The following RBM33 variants were observed in gnomAD, a reference collection of about 807,000 sequenced individuals.
RBM33 encodes the protein RNA-binding protein 33.
RBM33 carries 28 observed loss-of-function variants against 132.6 expected under a neutral mutation model. The ratio of observed to expected loss-of-function variants is 0.21; its 90% CI spans 0.16 to 0.29. RBM33 has a LOEUF of 0.29. RBM33 is among the 10% of genes least tolerant of loss of function. The pLI, the probability that RBM33 is intolerant of heterozygous loss-of-function variation, is 1.00. For synonymous variants in RBM33, 634 were observed against 593.0 expected, an observed-to-expected ratio of 1.07 and a Z score of -1.01; for missense variants, 1,291 against 1,518.5, an observed-to-expected ratio of 0.85 and a Z score of 2.49.
At position 155,775,080 on chromosome 7, in the gene RBM33, C is replaced by T. The variant is rs367864803; in HGVS notation, c.*39C>T. 7.5e-5 allele frequency: 119 copies of T among 1,578,476 alleles called. No homozygotes were observed. The highest frequency in any genetic ancestry group is 9.9e-5 in the Non-Finnish European group (114 of 1,147,596). ...AGCCTGACCTTAGGCTGTACACACACTGTGGAATTTCTTCAAGGGAGCTGC... is the reference window on the plus strand; with the variant it reads ...AGCCTGACCTTAGGCTGTACACACATTGTGGAATTTCTTCAAGGGAGCTGC... On this transcript the variant is annotated 3_prime_UTR_variant, in exon 18 of 18. Coordinates refer to ENST00000401878, the MANE Select transcript of RBM33 (RefSeq NM_053043.3).
intron 9 of RBM33, among the ~76,000 whole-genome samples, chr7:155,737,245 C>CGTGT (rs1554481863): frequency 0.054 from 8,038 of 149,204 alleles, 311 homozygotes; most frequent in African/African-American, 0.1. Flanking sequence ...TCTAGGTGCG[C>CGTGT]GTGTGTGTGT....
chr7:155,660,255 TG>T (rs1798604340), intron 1 of RBM33, among the ~76,000 whole-genome samples: 1 of 152,204 alleles, frequency 6.6e-6, no homozygotes, highest in East Asian at 1.9e-4. Context: ...TAAAGTTTTT[TG>T]TAGAGGTAGG....
At chr7:155,718,947 A>G (rs1345576487) in intron 9 of RBM33, among the ~76,000 whole-genome samples, 2 of 151,590 alleles carry the variant, frequency 1.3e-5, no homozygotes, top group Non-Finnish European at 3.0e-5. Context: ...AAGAAAGCAT[A>G]TATTCTCTCT....
intron 6 of RBM33, among the ~76,000 whole-genome samples, chr7:155,701,710 CAG>C (rs1351994973): frequency 2.0e-5 from 3 of 152,138 alleles, no homozygotes; most frequent in South Asian, 2.1e-4. Context: ...GTTTTTGAGA[CAG>C]AGTCTCGCTT....
At chr7:155,722,330 T>A (rs903868304) in intron 9 of RBM33, among the ~76,000 whole-genome samples, 1 of 152,206 alleles carries the variant, frequency 6.6e-6, no homozygotes, top group Non-Finnish European at 1.5e-5. Context: ...CACATTTTTG[T>A]TCATGTCAGG....
chr7:155,707,198 G>A, intron 7 of RBM33, 130 bp downstream of exon 7: 1 of 836,800 alleles, frequency 1.2e-6, no homozygotes, highest in Non-Finnish European at 2.0e-6. Flanking sequence ...GGTAATGGCT[G>A]AAGTTTCTGC....
At chr7:155,706,437 C>T (rs753897778) in intron 6 of RBM33, among the ~76,000 whole-genome samples, 2 of 151,434 alleles carry the variant, frequency 1.3e-5, no homozygotes, top group African/African-American at 4.9e-5. Context: ...GAGGTTGCAG[C>T]GAGCAGAGAT....
At chr7:155,690,928 A>G (rs1378283486) in intron 5 of RBM33, among the ~76,000 whole-genome samples, 1 of 152,092 alleles carries the variant, frequency 6.6e-6, no homozygotes, top group Non-Finnish European at 1.5e-5. Flanking sequence ...ACTTTGGTGA[A>G]TCTGACAATT....
chr7:155,658,314 A>G (rs991872673), intron 1 of RBM33, among the ~76,000 whole-genome samples: 40 of 151,360 alleles, frequency 2.6e-4, no homozygotes, highest in African/African-American at 8.2e-4. Flanking sequence ...ATCTTTTTCC[A>G]TCCTTTCACT....
chr7:155,730,672 A>G (rs1800930356), intron 9 of RBM33, among the ~76,000 whole-genome samples: 1 of 152,222 alleles, frequency 6.6e-6, no homozygotes, highest in African/African-American at 2.4e-5. Context: ...GGATCACTGT[A>G]AGTTAGAATA....
At chr7:155,742,300 A>G (rs1447100412) in intron 13 of RBM33, among the ~76,000 whole-genome samples, 194 bp downstream of exon 13, 2 of 86,578 alleles carry the variant, frequency 2.3e-5, no homozygotes, top group African/African-American at 1.3e-4. Context: ...TTACAAGATT[A>G]GAGTTTATAT....
intron 16 of RBM33, among the ~76,000 whole-genome samples, chr7:155,769,600 G>C (rs533624940): frequency 1.3e-5 from 2 of 152,136 alleles, no homozygotes; most frequent in African/African-American, 2.4e-5. Context: ...CTGTGAACTC[G>C]GTGGAAGGTG....
In RBM33 at chr7:155,777,286, C is replaced by A. The variant is rs1404733010; in HGVS notation, c.*2245C>A. ...GTGTGCGTGTTTCTCTAACTGTCTA[C>A]ACGTGCACATAGGCAGACTTTCTCA... is the stretch of plus-strand genomic sequence containing the variant. On this transcript the variant is annotated 3_prime_UTR_variant, in exon 18 of 18. Transcript: ENST00000401878. The A allele has an allele frequency of 6.6e-6, 1 of 152,496 alleles. No homozygotes were observed. Among genetic ancestry groups the A allele is most frequent in the Non-Finnish European group, 1.5e-5 (1 of 68,042 alleles). 9.4% of individuals were successfully genotyped at this position (152,496 alleles called of 1,614,324 possible). A position where few individuals can be genotyped will look rare whatever the true frequency, so the allele number is the denominator to read the frequency against.
intron 1 of RBM33, among the ~76,000 whole-genome samples, chr7:155,655,034 A>C (rs1289129418): frequency 6.6e-6 from 1 of 152,234 alleles, no homozygotes; most frequent in Non-Finnish European, 1.5e-5. Flanking sequence ...TAATCAAGCT[A>C]TTACTCTAAT....
intron 14 of RBM33, among the ~76,000 whole-genome samples, chr7:155,761,637 TTTCCTTATTTTGG>T (rs1441785123): frequency 6.6e-6 from 1 of 152,210 alleles, no homozygotes; most frequent in Non-Finnish European, 1.5e-5. Context: ...TCCCTCTTTG[TTTCCTTATTTTGG>T]TAATTCATCT....
intron 9 of RBM33, among the ~76,000 whole-genome samples, chr7:155,722,381 G>T (rs1800655081): frequency 6.6e-6 from 1 of 152,140 alleles, no homozygotes; most frequent in African/African-American, 2.4e-5. Flanking sequence ...GTTGTGTTTT[G>T]TTTTGTCTTT....
chr7:155,647,855 A>G (rs931130507), intron 1 of RBM33, among the ~76,000 whole-genome samples: 1 of 152,248 alleles, frequency 6.6e-6, no homozygotes, highest in Non-Finnish European at 1.5e-5. Flanking sequence ...ACATAAAGGC[A>G]AAAACATGGC....
chr7:155,662,975 G>T (rs913751975), intron 1 of RBM33, among the ~76,000 whole-genome samples: 4 of 152,164 alleles, frequency 2.6e-5, no homozygotes, highest in Non-Finnish European at 5.9e-5. Flanking sequence ...ATTAATTCTT[G>T]CTGCCATTCT....
intron 9 of RBM33, among the ~76,000 whole-genome samples, chr7:155,718,684 C>T (rs544787241): frequency 1.3e-5 from 2 of 151,992 alleles, no homozygotes; most frequent in African/African-American, 2.4e-5. Flanking sequence ...GAATGCCGTT[C>T]GTCTTAAAGA....
Sources: gnomAD v4.1 joint callset for allele counts (sites outside exome capture counted in the v4.1 genomes callset) on GRCh38, gnomAD v4.1.1 for gene constraint, MANE v1.5 for transcripts, NCBI Gene and HGNC (gene_info 2026-07-23, HGNC 2026-07-21) for gene names.